The following AUTS2 variants were observed in gnomAD, a reference collection of about 807,000 sequenced individuals.
AUTS2 encodes the protein activator of transcription and developmental regulator AUTS2, also known as autism susceptibility gene 2 protein.
Under a neutral mutation model 112.4 loss-of-function variants are expected in AUTS2, and 17 were observed. The observed-to-expected ratio is 0.15, with a 90% confidence interval of 0.10 to 0.23. AUTS2 has a LOEUF of 0.23. Ranked by LOEUF, AUTS2 falls within the 10% of genes least tolerant of loss-of-function variation. The probability of loss-of-function intolerance (pLI) is 1.00; values close to 1 mark genes in which losing one functional copy is unlikely to be tolerated. For synonymous variants in AUTS2, 751 were observed against 702.7 expected (o/e 1.07, Z -1.09); for missense variants, 1,510 against 1,701.6 (o/e 0.89, Z 1.98).
intron 1 of AUTS2, among the ~76,000 whole-genome samples, chr7:69,671,434 TA>T (rs567487401): frequency 7.4e-4 from 111 of 150,588 alleles, no homozygotes; most frequent in African/African-American, 2.7e-3. Flanking sequence ...TTAGGTATTA[TA>T]AAAAAAGTGA....
chr7:70,619,605 A>G (rs956790646), intron 5 of AUTS2, among the ~76,000 whole-genome samples: 6 of 151,264 alleles, frequency 4.0e-5, no homozygotes, highest in African/African-American at 1.5e-4. Context: ...TATATTGTAT[A>G]TTTTATAACC....
At chr7:70,300,502 G>T (rs1179518847) in intron 4 of AUTS2, among the ~76,000 whole-genome samples, 1 of 152,160 alleles carries the variant, frequency 6.6e-6, no homozygotes, top group Non-Finnish European at 1.5e-5. Context: ...TAGAAAAATT[G>T]TGAATGCTTC....
At chr7:70,522,823 T>C (rs1799697955) in intron 5 of AUTS2, among the ~76,000 whole-genome samples, 1 of 152,206 alleles carries the variant, frequency 6.6e-6, no homozygotes, top group African/African-American at 2.4e-5. Context: ...GTATGCCCAG[T>C]AATGAGATTA....
chr7:70,584,524 C>T (rs960138019), intron 5 of AUTS2, among the ~76,000 whole-genome samples: 2 of 152,188 alleles, frequency 1.3e-5, no homozygotes, highest in African/African-American at 4.8e-5. Flanking sequence ...GGGAAGAACC[C>T]TTGATAAAAG....
chr7:70,626,052 A>G (rs149208327), intron 5 of AUTS2, among the ~76,000 whole-genome samples: 73 of 152,168 alleles, frequency 4.8e-4, no homozygotes, highest in African/African-American at 1.5e-3. Context: ...AGCTGGGACT[A>G]TAGGCACACA....
At chr7:70,549,066 G>GAGAA (rs1800914073) in intron 5 of AUTS2, among the ~76,000 whole-genome samples, 1 of 151,982 alleles carries the variant, frequency 6.6e-6, no homozygotes, top group Non-Finnish European at 1.5e-5. Flanking sequence ...CGTTTATTTA[G>GAGAA]ATCTTTAATT....
intron 1 of AUTS2, among the ~76,000 whole-genome samples, chr7:69,727,032 A>G (rs934664344): frequency 2.0e-5 from 3 of 152,066 alleles, no homozygotes; most frequent in Non-Finnish European, 4.4e-5. Context: ...AGTATAGTTT[A>G]TCTTATTTTT....
chr7:69,936,593 C>G (rs1415491469), intron 2 of AUTS2, among the ~76,000 whole-genome samples: 1 of 152,170 alleles, frequency 6.6e-6, no homozygotes, highest in East Asian at 1.9e-4. Context: ...TCGTAATCCA[C>G]CAGCCTAGGC....
intron 4 of AUTS2, among the ~76,000 whole-genome samples, chr7:70,386,116 G>A (rs941806069): frequency 6.6e-6 from 1 of 152,180 alleles, no homozygotes; most frequent in Non-Finnish European, 1.5e-5. Context: ...GCACTGATTA[G>A]AAGCATACAA....
At chr7:70,765,629 G>T (rs1178710322) in intron 8 of AUTS2, among the ~76,000 whole-genome samples, 2 of 152,196 alleles carry the variant, frequency 1.3e-5, no homozygotes, top group Non-Finnish European at 2.9e-5. Flanking sequence ...ACTTGAAGAG[G>T]ACATGCGAGC....
intron 4 of AUTS2, among the ~76,000 whole-genome samples, chr7:70,185,058 A>G (rs1240905567): frequency 6.6e-6 from 1 of 152,084 alleles, no homozygotes; most frequent in Non-Finnish European, 1.5e-5. Flanking sequence ...AACTTCTTGA[A>G]GTAATGTTTT....
chr7:69,924,190 A>G (rs1035826906), intron 2 of AUTS2, among the ~76,000 whole-genome samples: 14 of 152,116 alleles, frequency 9.2e-5, no homozygotes, highest in Non-Finnish European at 1.6e-4. Context: ...GTCTATCAAG[A>G]TGATCATATG....
chr7:70,671,338 A>G (rs1807630616), intron 5 of AUTS2, among the ~76,000 whole-genome samples: 1 of 152,250 alleles, frequency 6.6e-6, no homozygotes, highest in Admixed American at 6.5e-5. Context: ...GATGCTTGAA[A>G]TGAAAGCTTG....
rs879439620 is a variant in AUTS2 at position 69,906,266 on chromosome 7, C to G, written c.522+6768C>G. Among the ~76,000 whole-genome samples, 6 of 152,328 alleles carry G rather than the reference C, an allele frequency of 3.9e-5. No individual in the cohort carries two copies. The East Asian group carries it at 5.8e-4, about 15-fold the overall frequency. On this transcript the variant is annotated intron_variant, in intron 2 of 18. Transcript: ENST00000342771. ...CCCTCTTGTGATGATATAAAGTTAT[C>G]TGCATGTGGCCAGATCTCAGCTAAA...
chr7:70,634,208 TG>T (rs1265226851), intron 5 of AUTS2, among the ~76,000 whole-genome samples: 3 of 151,646 alleles, frequency 2.0e-5, no homozygotes, highest in Non-Finnish European at 2.9e-5. Context: ...AGTGCTGGAG[TG>T]GGAAGGCGCC....
chr7:70,455,823 G>A (rs1049371241), intron 5 of AUTS2, among the ~76,000 whole-genome samples: 1 of 152,138 alleles, frequency 6.6e-6, no homozygotes, highest in African/African-American at 2.4e-5. Flanking sequence ...GTGAGGTACA[G>A]GAATCTATAT....
chr7:70,213,441 A>T (rs1417140620), intron 4 of AUTS2, among the ~76,000 whole-genome samples: 1 of 151,082 alleles, frequency 6.6e-6, no homozygotes, highest in African/African-American at 2.4e-5. Context: ...TAGGAGGATC[A>T]TGGATCACTG....
intron 4 of AUTS2, among the ~76,000 whole-genome samples, chr7:70,173,774 A>G (rs994802999): frequency 1.3e-5 from 2 of 151,824 alleles, no homozygotes; most frequent in Admixed American, 6.6e-5. Flanking sequence ...ATCTGTGATC[A>G]GTGATCTTTG....
At chr7:70,401,966 C>G (rs1794344555) in intron 4 of AUTS2, among the ~76,000 whole-genome samples, 1 of 152,240 alleles carries the variant, frequency 6.6e-6, no homozygotes, top group African/African-American at 2.4e-5. Context: ...TACACTATTC[C>G]CCCCAGGTTT....
Sources: allele counts gnomAD v4.1 joint callset (sites outside exome capture counted in the v4.1 genomes callset), GRCh38; gene constraint gnomAD v4.1.1; transcripts MANE v1.5; gene names NCBI Gene and HGNC (gene_info 2026-07-23, HGNC 2026-07-21).